The following BICRAL variants were observed in gnomAD, a reference collection of about 807,000 sequenced individuals.
BICRAL encodes BRD4-interacting chromatin-remodeling complex-associated protein-like.
A neutral mutation model predicts 91.8 loss-of-function variants in BICRAL; 8 were observed. That is an observed-to-expected ratio of 0.09 (90% CI 0.05 to 0.16). The LOEUF (loss-of-function observed/expected upper bound fraction) is 0.16. BICRAL is among the 10% of genes least tolerant of loss of function. The probability of loss-of-function intolerance (pLI) is 1.00; values close to 1 mark genes in which losing one functional copy is unlikely to be tolerated. For missense variants in BICRAL, 1,038 were observed against 1,310.9 expected (o/e 0.79, Z 3.21); for synonymous variants, 445 against 491.1 (o/e 0.91, Z 1.24).
chr6:42,844,426 G>A (rs771901381), intron 6 of BICRAL, among the ~76,000 whole-genome samples: 20 of 146,140 alleles, frequency 1.4e-4, no homozygotes, highest in South Asian at 8.8e-4. Flanking sequence ...GGAGAATGGC[G>A]TGAACCCGGG....
intron 1 of BICRAL, among the ~76,000 whole-genome samples, chr6:42,794,794 C>CAA (rs1207429482): frequency 0.2 from 18,597 of 94,960 alleles, 1,726 homozygotes; most frequent in East Asian, 0.29. Context: ...ACTAAAAATA[C>CAA]AAAAAAAAAA....
intron 1 of BICRAL, among the ~76,000 whole-genome samples, chr6:42,755,627 CT>C (rs1381872385): frequency 1.3e-5 from 2 of 151,876 alleles, no homozygotes; most frequent in Admixed American, 6.6e-5. Flanking sequence ...TCTCTGTCCT[CT>C]TCCTTCCATT....
chr6:42,788,422 A>G (rs187037607), intron 1 of BICRAL, among the ~76,000 whole-genome samples: 2 of 152,122 alleles, frequency 1.3e-5, no homozygotes, highest in East Asian at 3.9e-4. Context: ...CGGGTCCACC[A>G]TGTTAGCCAG....
At chr6:42,792,281 G>T (rs1763296831) in intron 1 of BICRAL, among the ~76,000 whole-genome samples, 1 of 151,868 alleles carries the variant, frequency 6.6e-6, no homozygotes, top group African/African-American at 2.4e-5. Context: ...AACATTTTTG[G>T]TTTTTTTCTG....
At chr6:42,852,362 A>G in intron 7 of BICRAL, 165 bp downstream of exon 7, 1 of 702,134 alleles carries the variant, frequency 1.4e-6, no homozygotes, top group Non-Finnish European at 2.6e-6. Flanking sequence ...GTGTTGCATC[A>G]ACTCTAAGAT....
At chr6:42,814,521 T>G (rs4343919) in intron 2 of BICRAL, among the ~76,000 whole-genome samples, 1 of 34,882 alleles carries the variant, frequency 2.9e-5, no homozygotes, top group East Asian at 9.0e-4. Flanking sequence ...ATATATATAT[T>G]TTTTTTTTTT....
At chr6:42,770,151 A>G (rs1023781536) in intron 1 of BICRAL, among the ~76,000 whole-genome samples, 15 of 152,174 alleles carry the variant, frequency 9.9e-5, no homozygotes, top group Middle Eastern at 3.4e-3. Flanking sequence ...GCCTTTCCCC[A>G]TGTGATTTGG....
chr6:42,776,947 G>C (rs560602985), intron 1 of BICRAL, among the ~76,000 whole-genome samples: 7 of 152,182 alleles, frequency 4.6e-5, no homozygotes, highest in Non-Finnish European at 1.0e-4. Context: ...ATTTCTTGTA[G>C]ATCTTGTGGA....
intron 1 of BICRAL, among the ~76,000 whole-genome samples, chr6:42,783,385 G>A (rs1762993763): frequency 6.6e-6 from 1 of 152,200 alleles, no homozygotes; most frequent in African/African-American, 2.4e-5. Flanking sequence ...CGGGCGTTAT[G>A]CTGTTCGCGC....
At chr6:42,808,216 T>C (rs1029885295) in intron 1 of BICRAL, among the ~76,000 whole-genome samples, 14 of 151,802 alleles carry the variant, frequency 9.2e-5, no homozygotes, top group Non-Finnish European at 1.5e-4. Context: ...ACTGCAACCT[T>C]CACCTTCCAG....
intron 1 of BICRAL, among the ~76,000 whole-genome samples, chr6:42,801,282 G>GAA (rs1422365595): frequency 6.6e-6 from 1 of 150,586 alleles, no homozygotes; most frequent in Admixed American, 6.6e-5. Context: ...GCGAGAGAGA[G>GAA]AAATCTACAT....
chr6:42,838,148 C>T (rs1363993059), intron 6 of BICRAL, among the ~76,000 whole-genome samples: 1 of 152,158 alleles, frequency 6.6e-6, no homozygotes, highest in East Asian at 1.9e-4. Flanking sequence ...CAGGTGTCTC[C>T]TAGGAACAAG....
intron 8 of BICRAL, 106 bp from the exon 9 acceptor site, chr6:42,855,750 T>A (rs1439173399): frequency 1.1e-5 from 9 of 848,986 alleles, no homozygotes; most frequent in Non-Finnish European, 1.7e-5. Flanking sequence ...TCTTAGAATA[T>A]GTTCTTGATA....
intron 1 of BICRAL, among the ~76,000 whole-genome samples, chr6:42,803,368 C>CT (rs1019995866): frequency 6.6e-6 from 1 of 152,070 alleles, no homozygotes; most frequent in African/African-American, 2.4e-5. Flanking sequence ...TGATTCCTCA[C>CT]TTTTTTTACA....
At chr6:42,785,159 C>T (rs1218394308) in intron 1 of BICRAL, among the ~76,000 whole-genome samples, 2 of 151,834 alleles carry the variant, frequency 1.3e-5, no homozygotes, top group Non-Finnish European at 2.9e-5. Context: ...AATCTCAGTA[C>T]GTTTTTTTTT....
At chr6:42,802,469 A>G (rs1419885053) in intron 1 of BICRAL, among the ~76,000 whole-genome samples, 2 of 150,252 alleles carry the variant, frequency 1.3e-5, no homozygotes, top group Admixed American at 1.3e-4. Flanking sequence ...TTGTTTTGAG[A>G]TGGAGTTTCG....
At chr6:42,803,405 A>C (rs761648524) in intron 1 of BICRAL, among the ~76,000 whole-genome samples, 1 of 152,174 alleles carries the variant, frequency 6.6e-6, no homozygotes, top group Non-Finnish European at 1.5e-5. Flanking sequence ...CTGGCTGGAT[A>C]ATAAGGGTCC....
chr6:42,766,407 A>G (rs2113837836), intron 1 of BICRAL, among the ~76,000 whole-genome samples: 1 of 152,282 alleles, frequency 6.6e-6, no homozygotes, highest in Non-Finnish European at 1.5e-5. Flanking sequence ...CAATAAAGTC[A>G]CCTGTGGATT....
chr6:42,835,762 T>G (rs1764619946), intron 6 of BICRAL, among the ~76,000 whole-genome samples: 1 of 152,086 alleles, frequency 6.6e-6, no homozygotes, highest in African/African-American at 2.4e-5. Context: ...GGTGAAACAC[T>G]GTCTCTACAA....
Sources: gnomAD v4.1 joint callset for allele counts (sites outside exome capture counted in the v4.1 genomes callset) on GRCh38, gnomAD v4.1.1 for gene constraint, MANE v1.5 for transcripts, NCBI Gene and HGNC (gene_info 2026-07-23, HGNC 2026-07-21) for gene names.